The following PCBP3 variants were observed in gnomAD, a reference collection of about 807,000 sequenced individuals.
PCBP3 encodes poly(rC) binding protein 3.
A neutral mutation model predicts 52.7 loss-of-function variants in PCBP3; 25 were observed. The ratio of observed to expected loss-of-function variants is 0.47; its 90% CI spans 0.35 to 0.66. The LOEUF is 0.66. Among genes scored for constraint, PCBP3 ranks in the 30% least tolerant of loss-of-function variants. The pLI is 0.01. For missense variants in PCBP3, 391 were observed against 490.3 expected (o/e 0.80, Z 1.91); for synonymous variants, 162 against 183.0 (o/e 0.89, Z 0.93).
At chr21:45,908,578 C>T (rs1209416268) in intron 9 of PCBP3, among the ~76,000 whole-genome samples, 11 of 152,174 alleles carry the variant, frequency 7.2e-5, no homozygotes, top group Admixed American at 7.2e-4. Context: ...CCTGGGGGTG[C>T]TGCCCTGTCA....
chr21:45,921,991 T>G (rs914937035), intron 13 of PCBP3, among the ~76,000 whole-genome samples: 5 of 152,226 alleles, frequency 3.3e-5, no homozygotes, highest in African/African-American at 1.2e-4. Context: ...TTAGGAGGAC[T>G]GAAGTCAGGC....
At chr21:45,779,218 T>C (rs2090465358) in intron 4 of PCBP3, among the ~76,000 whole-genome samples, 1 of 152,240 alleles carries the variant, frequency 6.6e-6, no homozygotes, top group Non-Finnish European at 1.5e-5. Context: ...GGACCCAGCA[T>C]GAGCTCCCTC....
chr21:45,806,126 T>C (rs527320849), intron 4 of PCBP3, among the ~76,000 whole-genome samples: 74 of 152,358 alleles, frequency 4.9e-4, no homozygotes, highest in Non-Finnish European at 8.2e-4. Flanking sequence ...GACCAGCAGC[T>C]CTGCACAGAG....
rs556876407 is a variant in PCBP3, at chr21:45,661,845, T to C, written c.-278-7029T>C. Among the ~76,000 whole-genome samples the C allele has an allele frequency of 1.3e-4, 20 of 152,378 alleles. No homozygotes were observed. The East Asian group carries it at 3.5e-3, about 26-fold the overall frequency. Reference sequence around the variant, plus strand: ...TTAATAATAGCCATTCTGAGTGTTGTAAGATGATATCTCATTGTTGTTTTA... The same window carrying C: ...TTAATAATAGCCATTCTGAGTGTTGCAAGATGATATCTCATTGTTGTTTTA... On this transcript the variant is annotated intron_variant, in intron 1 of 17. Coordinates refer to ENST00000681687, the MANE Select transcript of PCBP3 (RefSeq NM_001384156.1).
intron 3 of PCBP3, among the ~76,000 whole-genome samples, chr21:45,753,467 G>C (rs1377937789): frequency 6.6e-6 from 1 of 151,772 alleles, no homozygotes; most frequent in African/African-American, 2.4e-5. Flanking sequence ...TTTTAAAATG[G>C]GATGTAATGG....
At chr21:45,655,016 A>G (rs2079925631) in intron 1 of PCBP3, among the ~76,000 whole-genome samples, 1 of 152,076 alleles carries the variant, frequency 6.6e-6, no homozygotes, top group African/African-American at 2.4e-5. Flanking sequence ...AACATTTTCA[A>G]GCTTTATCCA....
At chr21:45,915,844 C>A (rs1357732413) in intron 12 of PCBP3, 1 of 152,298 alleles carries the variant, frequency 6.6e-6, no homozygotes, top group African/African-American at 2.4e-5. Flanking sequence ...AAGTGTGGGC[C>A]GGATACCTGC....
Position 45,802,204 on chromosome 21 carries a change from C to T in PCBP3, c.-126+46752C>T, listed in dbSNP as rs532997890. The stretch of plus-strand genomic sequence containing the variant: ...TCCTGGTAGCGGCTCTGCAGCTGGG[C>T]GCTGTTTCTGCCCTGTCATGCAAGT... On this transcript the variant is annotated intron_variant, in intron 4 of 17. Transcript: ENST00000681687. This position sits in a 1 kb window ranked among gnomAD's most constrained non-coding sequence, Gnocchi z 5.1. Among the ~76,000 whole-genome samples, 11 of 152,290 alleles carry T rather than the reference C, an allele frequency of 7.2e-5. No individual in the cohort carries two copies. The East Asian group carries it at 1.4e-3, about 19-fold the overall frequency.
intron 4 of PCBP3, among the ~76,000 whole-genome samples, chr21:45,786,289 CT>C (rs55719581): frequency 0.57 from 80,881 of 142,528 alleles, 22,752 homozygotes; most frequent in East Asian, 0.8. Context: ...ATTTAAGTAT[CT>C]TTTTTTTTTT....
In PCBP3 at chr21:45,737,260, C is replaced by T. The variant is rs745748632; in HGVS notation, c.-162+1831C>T. Among the ~76,000 whole-genome samples, 4 of 152,156 alleles carry T rather than the reference C, an allele frequency of 2.6e-5. No homozygotes were observed. Among genetic ancestry groups the T allele is most frequent in the Non-Finnish European group, 5.9e-5 (4 of 68,034 alleles). On this transcript the variant is annotated intron_variant, in intron 3 of 17. Transcript: ENST00000681687. The surrounding 1 kb of genome is among the most constrained non-coding windows in gnomAD (Gnocchi z 4.9). ...GTGTGGGAGCAGGGAGCCAGCCAGT[C>T]TCTTCTCTGTGCTAGGTTATTGTTG...
chr21:45,752,553 C>T (rs1186148216), intron 3 of PCBP3, among the ~76,000 whole-genome samples: 1 of 151,738 alleles, frequency 6.6e-6, no homozygotes, highest in African/African-American at 2.4e-5. Flanking sequence ...CCTTTTTTGG[C>T]TTATGAGTTA....
At chr21:45,870,037 AATTT>A (rs2094936131) in intron 5 of PCBP3, among the ~76,000 whole-genome samples, 2 of 150,152 alleles carry the variant, frequency 1.3e-5, no homozygotes, top group Admixed American at 6.6e-5. Flanking sequence ...ATTTTTATTG[AATTT>A]ATTTTTGTTC....
At chr21:45,844,751 T>A (rs1053910242) in intron 4 of PCBP3, among the ~76,000 whole-genome samples, 3 of 152,194 alleles carry the variant, frequency 2.0e-5, no homozygotes, top group Admixed American at 6.5e-5. Context: ...ACCATGGTTC[T>A]TCTTTCTTCC....
At chr21:45,803,599 C>G (rs1214282363) in intron 4 of PCBP3, among the ~76,000 whole-genome samples, 1 of 152,196 alleles carries the variant, frequency 6.6e-6, no homozygotes, top group Non-Finnish European at 1.5e-5. Context: ...AGTTTAAATG[C>G]AAACAGGACA....
intron 4 of PCBP3, among the ~76,000 whole-genome samples, chr21:45,812,249 C>A (rs1184992355): frequency 1.3e-5 from 2 of 152,166 alleles, no homozygotes; most frequent in African/African-American, 4.8e-5. Context: ...AGGTTAAAGA[C>A]CATGGGCTAT....
In PCBP3 at chr21:45,706,529, TTC is replaced by T. The variant is rs1282593039; in HGVS notation, c.-199-28854_-199-28853del. ...CCCCCCTTTCCCTACCTATCTCTAT[TTC>T]TCTCTCTCCCTCTGTATAGCTCCCT... is the stretch of plus-strand genomic sequence containing the variant. On this transcript the variant is annotated intron_variant, in intron 2 of 17. Coordinates refer to ENST00000681687, the MANE Select transcript of PCBP3 (RefSeq NM_001384156.1). 3.3e-5 allele frequency among the ~76,000 whole-genome samples: 5 copies of T among 152,144 alleles called. No individual in the cohort carries two copies. In the South Asian group the frequency reaches 6.2e-4, roughly 19 times the overall value.
chr21:45,657,889 C>T (rs1454441533), intron 1 of PCBP3, among the ~76,000 whole-genome samples: 1 of 152,130 alleles, frequency 6.6e-6, no homozygotes, highest in Non-Finnish European at 1.5e-5. Context: ...TTCTAATCTG[C>T]ATGCCTTTTT....
chr21:45,692,978 C>T (rs956645185), intron 2 of PCBP3, among the ~76,000 whole-genome samples: 2 of 152,090 alleles, frequency 1.3e-5, no homozygotes, highest in Non-Finnish European at 2.9e-5. Context: ...ACTCATTATT[C>T]AATGTAATCA....
chr21:45,907,070 G>A (rs964903731), intron 9 of PCBP3, among the ~76,000 whole-genome samples: 3 of 152,234 alleles, frequency 2.0e-5, no homozygotes, highest in Non-Finnish European at 2.9e-5. Context: ...CCGGCCGCCC[G>A]TTCCTTCCTC....
Sources: gnomAD v4.1 joint callset for allele counts (sites outside exome capture counted in the v4.1 genomes callset) on GRCh38, gnomAD v4.1.1 for gene constraint, Gnocchi (gnomAD v3.1) non-coding constraint, MANE v1.5 for transcripts, NCBI Gene and HGNC (gene_info 2026-07-23, HGNC 2026-07-21) for gene names.